The following GLG1 variants were observed in gnomAD, a reference collection of about 807,000 sequenced individuals.
GLG1 encodes Golgi apparatus protein 1.
GLG1 carries 38 observed loss-of-function variants against 160.5 expected under a neutral mutation model. The ratio of observed to expected loss-of-function variants is 0.24; its 90% CI spans 0.18 to 0.31. The LOEUF (loss-of-function observed/expected upper bound fraction) is 0.31. GLG1 is among the 10% of genes least tolerant of loss of function. The pLI is 1.00. For missense variants in GLG1, 1,373 were observed against 1,505.2 expected, an observed-to-expected ratio of 0.91 and a Z score of 1.45; for synonymous variants, 644 against 543.4, an observed-to-expected ratio of 1.19 and a Z score of -2.57.
intron 8 of GLG1, among the ~76,000 whole-genome samples, chr16:74,490,663 G>A (rs934955668): frequency 1.3e-5 from 2 of 152,156 alleles, no homozygotes; most frequent in Non-Finnish European, 2.9e-5. Context: ...AGGGCCTGTC[G>A]TCATTGATTG....
intron 1 of GLG1, among the ~76,000 whole-genome samples, chr16:74,604,133 G>A (rs993855592): frequency 6.6e-6 from 1 of 152,128 alleles, no homozygotes; most frequent in Non-Finnish European, 1.5e-5. Context: ...AGGCTGCAGT[G>A]AGCTATGACT....
At chr16:74,604,667 T>G (rs1958523421) in intron 1 of GLG1, among the ~76,000 whole-genome samples, 1 of 152,208 alleles carries the variant, frequency 6.6e-6, no homozygotes, top group Non-Finnish European at 1.5e-5. Context: ...CTAGTTTACT[T>G]CTTTAAGTTA....
chr16:74,574,054 T>C (rs1191214276), intron 1 of GLG1, among the ~76,000 whole-genome samples: 3 of 152,194 alleles, frequency 2.0e-5, no homozygotes, highest in Admixed American at 2.0e-4. Flanking sequence ...GTAAGCAACA[T>C]GCGTGTGCAC....
intron 3 of GLG1, among the ~76,000 whole-genome samples, chr16:74,506,598 A>AAAAAAAAAAAAAAAAAAAAAAAC (rs768101788): frequency 6.9e-6 from 1 of 144,672 alleles, no homozygotes; most frequent in African/African-American, 2.7e-5. Context: ...AAAAAAAAAA[A>AAAAAAAAAAAAAAAAAAAAAAAC]AAAAAACTCA....
chr16:74,540,965 A>G (rs1451595837), intron 1 of GLG1, among the ~76,000 whole-genome samples: 1 of 152,172 alleles, frequency 6.6e-6, no homozygotes, highest in East Asian at 1.9e-4. Flanking sequence ...TAGGAAATAC[A>G]TCAAAAAGGT....
intron 1 of GLG1, among the ~76,000 whole-genome samples, chr16:74,578,384 T>G (rs1043027197): frequency 6.6e-6 from 1 of 152,232 alleles, no homozygotes; most frequent in Non-Finnish European, 1.5e-5. Context: ...TCTTACTTTA[T>G]GAAGTTCAAT....
At chr16:74,481,534 A>G (rs1348338735) in intron 10 of GLG1, among the ~76,000 whole-genome samples, 1 of 152,244 alleles carries the variant, frequency 6.6e-6, no homozygotes, top group Non-Finnish European at 1.5e-5. Context: ...CAATACACTC[A>G]GTAGACTATT....
rs1213307848 is a variant in GLG1, at chr16:74,449,324, TCA to T, written c.*3841_*3842del. The T allele has an allele frequency of 2.6e-5, 4 of 152,078 alleles. No individual in the cohort carries two copies. Among genetic ancestry groups the T allele is most frequent in the Non-Finnish European group, 5.9e-5 (4 of 68,038 alleles). 9.4% of individuals were successfully genotyped at this position (152,078 alleles called of 1,614,324 possible). A position where few individuals can be genotyped will look rare whatever the true frequency, so the allele number is the denominator to read the frequency against. On this transcript the variant is annotated 3_prime_UTR_variant, in exon 26 of 26. Coordinates refer to ENST00000422840, the MANE Select transcript of GLG1 (RefSeq NM_001145667.2). ...TATAGTAGGAACTTCGGGGCAGAAG[TCA>T]CACCACAGGCCTGGAGGATGGGAGG... is the stretch of plus-strand genomic sequence containing the variant.
At chr16:74,552,295 T>G (rs1244576665) in intron 1 of GLG1, 1 of 580,484 alleles carries the variant, frequency 1.7e-6, no homozygotes, top group African/African-American at 1.9e-5. Context: ...ATGAACTCCT[T>G]TTTAAGGAGG....
At chr16:74,470,976 T>G (rs921874358) in intron 15 of GLG1, among the ~76,000 whole-genome samples, 197 bp downstream of exon 15, 1 of 151,056 alleles carries the variant, frequency 6.6e-6, no homozygotes, top group African/African-American at 2.4e-5. Context: ...AGGTTGGTCT[T>G]GAACTCCTGG....
At position 74,526,903 on chromosome 16, in the gene GLG1, T is replaced by C. The variant is rs1013157746; in HGVS notation, c.471+5218A>G. On this transcript the variant is annotated intron_variant, in intron 2 of 25. Transcript: ENST00000422840. ...GTTCCATGTGATAGTCTGACTAGTG[T>C]TGAGTAAGTCGCTACACGCAAATTT... is the stretch of plus-strand genomic sequence containing the variant. 5.9e-5 allele frequency among the ~76,000 whole-genome samples: 9 copies of C among 152,222 alleles called. No individual in the cohort carries two copies. In the East Asian group the frequency reaches 1.2e-3, roughly 20 times the overall value.
At chr16:74,592,527 C>T (rs574805077) in intron 1 of GLG1, among the ~76,000 whole-genome samples, 1 of 152,190 alleles carries the variant, frequency 6.6e-6, no homozygotes, top group East Asian at 1.9e-4. Flanking sequence ...GTTTATTTCA[C>T]ACTTCTCTTA....
intron 8 of GLG1, among the ~76,000 whole-genome samples, chr16:74,488,089 G>A (rs1318082399): frequency 1.3e-5 from 2 of 152,134 alleles, no homozygotes; most frequent in African/African-American, 4.8e-5. Flanking sequence ...ATTTGGGAGA[G>A]TAAGTACTGA....
At chr16:74,520,646 C>A (rs190853435) in intron 2 of GLG1, among the ~76,000 whole-genome samples, 2 of 152,082 alleles carry the variant, frequency 1.3e-5, no homozygotes, top group East Asian at 3.9e-4. Flanking sequence ...CAAACGACAA[C>A]AACAACAACA....
intron 1 of GLG1, among the ~76,000 whole-genome samples, chr16:74,544,004 T>C (rs1212315117): frequency 3.3e-5 from 5 of 152,228 alleles, no homozygotes; most frequent in South Asian, 2.1e-4. Context: ...AGGGAAAATA[T>C]TGTTATAGAA....
intron 1 of GLG1, among the ~76,000 whole-genome samples, chr16:74,574,883 C>CAAAACA (rs2018943830): frequency 4.0e-5 from 1 of 24,792 alleles, no homozygotes; most frequent in African/African-American, 2.5e-4. Context: ...GACTCTGTCT[C>CAAAACA]AAAAAAAAAA....
intron 4 of GLG1, among the ~76,000 whole-genome samples, chr16:74,501,128 T>TGAATTAAATTAACAAATTTAACAAA (rs1428795252): frequency 1.3e-5 from 2 of 152,202 alleles, no homozygotes; most frequent in East Asian, 3.8e-4. Flanking sequence ...TCAGTATAAG[T>TGAATTAAATTAACAAATTTAACAAA]TTTCTATCTG....
At position 74,477,499 on chromosome 16, in the gene GLG1, A is replaced by T. The variant is rs751702966; in HGVS notation, c.1862T>A (p.Ile621Asn). 7 of 1,613,152 alleles carry T rather than the reference A, an allele frequency of 4.3e-6. No homozygotes were observed. The highest frequency in any genetic ancestry group is 5.1e-6 in the Non-Finnish European group (6 of 1,179,134). Residue 621 changes from isoleucine to asparagine, a missense_variant, in exon 12 of 26, where the codon ATC (isoleucine) becomes AAC (asparagine). Physicochemically the swap from Ile to Asn is moderately radical, Grantham distance 149. Transcript: ENST00000422840. ...SRECRAEVQR[I>N]LHQRAMDVKL... The stretch of plus-strand genomic sequence containing the variant: ...GACATCCATGGCACGCTGGTGTAGG[A>T]TCCTTTGGACTTCAGCTCGGCACTC...
intron 1 of GLG1, among the ~76,000 whole-genome samples, chr16:74,590,809 A>G (rs1597378086): frequency 6.6e-6 from 1 of 150,520 alleles, no homozygotes; most frequent in Non-Finnish European, 1.5e-5. Context: ...AAAAAAAAAA[A>G]AAGAAAAAAA....
Sources: gnomAD v4.1 joint callset for allele counts (sites outside exome capture counted in the v4.1 genomes callset) on GRCh38, gnomAD v4.1.1 for gene constraint, MANE v1.5 for transcripts, NCBI Gene and HGNC (gene_info 2026-07-23, HGNC 2026-07-21) for gene names.